The following FBXO34 variants were observed in gnomAD, a reference collection of about 807,000 sequenced individuals.
FBXO34 encodes the protein F-box only protein 34.
A neutral mutation model predicts 24.5 loss-of-function variants in FBXO34; 12 were observed. The ratio of observed to expected loss-of-function variants is 0.49; its 90% CI spans 0.31 to 0.79. The LOEUF (loss-of-function observed/expected upper bound fraction) is 0.79. Among genes scored for constraint, FBXO34 ranks in the 30% least tolerant of loss-of-function variants. The pLI is 0.04. For missense variants in FBXO34, 823 were observed against 857.7 expected (o/e 0.96, Z 0.51); for synonymous variants, 320 against 311.9 (o/e 1.03, Z -0.27).
chr14:55,341,488 G>GC (rs1264256909), intron 1 of FBXO34, among the ~76,000 whole-genome samples: 1 of 152,206 alleles, frequency 6.6e-6, no homozygotes, highest in African/African-American at 2.4e-5. Flanking sequence ...GTAGTGGTTT[G>GC]CTATGCAAAG....
At chr14:55,432,409 T>A in the FBXO34 span, among the ~76,000 whole-genome samples, 1 of 138,094 alleles carries the variant, frequency 7.2e-6, no homozygotes, top group African/African-American at 2.8e-5. Flanking sequence ...TGAGACCGTG[T>A]CTCAGAAAAA....
the FBXO34 span, among the ~76,000 whole-genome samples, chr14:55,404,615 A>G: frequency 6.6e-6 from 1 of 152,188 alleles, no homozygotes; most frequent in Non-Finnish European, 1.5e-5. Flanking sequence ...AGAGGGAGAG[A>G]ACCTGGGCAT....
chr14:55,419,240 G>C, the FBXO34 span, among the ~76,000 whole-genome samples: 1 of 152,186 alleles, frequency 6.6e-6, no homozygotes, highest in Non-Finnish European at 1.5e-5. Context: ...GCTTGATATC[G>C]TTAAGTTTAC....
chr14:55,281,991 C>CT (rs372305828), intron 1 of FBXO34, among the ~76,000 whole-genome samples: 6,504 of 64,912 alleles, frequency 0.1, 835 homozygotes, highest in African/African-American at 0.19. Context: ...TTAAATTTAG[C>CT]TTTTTTTTTT....
intron 1 of FBXO34, among the ~76,000 whole-genome samples, chr14:55,312,701 C>G (rs1433240933): frequency 6.6e-6 from 1 of 152,254 alleles, no homozygotes; most frequent in Non-Finnish European, 1.5e-5. Flanking sequence ...GGGCTTGCAC[C>G]CTCTGAAGTA....
chr14:55,425,171 T>G, the FBXO34 span, among the ~76,000 whole-genome samples: 1 of 152,206 alleles, frequency 6.6e-6, no homozygotes, highest in African/African-American at 2.4e-5. Flanking sequence ...GAAGTGAGTC[T>G]TGCCCATCTC....
chr14:55,283,461 TTTTC>T (rs1002371473), intron 1 of FBXO34, among the ~76,000 whole-genome samples: 14 of 151,656 alleles, frequency 9.2e-5, no homozygotes, highest in Non-Finnish European at 1.9e-4. Flanking sequence ...TTTATTCTTT[TTTTC>T]TTTCTTTTTT....
At chr14:55,323,207 A>AT (rs1883212400) in intron 1 of FBXO34, among the ~76,000 whole-genome samples, 1 of 49,882 alleles carries the variant, frequency 2.0e-5, no homozygotes. Context: ...AAAAAAAAAA[A>AT]AAAAAAAAAA....
chr14:55,435,840 A>C, the FBXO34 span: 6 of 1,544,052 alleles, frequency 3.9e-6, no homozygotes, highest in Non-Finnish European at 5.2e-6. Context: ...ATACTGAGAA[A>C]TGTTACCTTT....
chr14:55,293,811 T>C (rs550666506), intron 1 of FBXO34, among the ~76,000 whole-genome samples: 2 of 150,100 alleles, frequency 1.3e-5, no homozygotes, highest in Admixed American at 1.3e-4. Context: ...ATTTGTTGAA[T>C]GAATGAATTT....
chr14:55,425,061 C>A, the FBXO34 span, among the ~76,000 whole-genome samples: 3 of 152,328 alleles, frequency 2.0e-5, no homozygotes, highest in Non-Finnish European at 4.4e-5. Context: ...AAGGGTGAAT[C>A]CAGACTGCAT....
chr14:55,321,883 C>T (rs369022751), intron 1 of FBXO34, among the ~76,000 whole-genome samples: 4 of 152,212 alleles, frequency 2.6e-5, no homozygotes, highest in African/African-American at 9.6e-5. Flanking sequence ...ACAGTTTTGC[C>T]TTTCAGATGC....
At chr14:55,412,032 G>A in the FBXO34 span, among the ~76,000 whole-genome samples, 5 of 152,186 alleles carry the variant, frequency 3.3e-5, no homozygotes, top group African/African-American at 1.2e-4. Flanking sequence ...TATATTAGAG[G>A]GGCTAGTCGG....
At chr14:55,436,958 T>C in the FBXO34 span, 2 of 1,614,210 alleles carry the variant, frequency 1.2e-6, no homozygotes, top group Non-Finnish European at 1.7e-6. Context: ...GCATTCAGTA[T>C]GTACATATCA....
intron 1 of FBXO34, among the ~76,000 whole-genome samples, chr14:55,314,988 T>C (rs1282430266): frequency 6.6e-6 from 1 of 152,232 alleles, no homozygotes; most frequent in Non-Finnish European, 1.5e-5. Context: ...GCTTCAGGTA[T>C]CTTTTGATTT....
At chr14:55,346,329 G>C (rs1594764375) in intron 1 of FBXO34, among the ~76,000 whole-genome samples, 4 of 152,332 alleles carry the variant, frequency 2.6e-5, no homozygotes, top group South Asian at 2.1e-4. Flanking sequence ...GACTAGGGCA[G>C]TTGTGCTAGG....
chr14:55,436,249 C>T, the FBXO34 span, among the ~76,000 whole-genome samples: 282 of 152,252 alleles, frequency 1.9e-3, no homozygotes, highest in Non-Finnish European at 3.2e-3. Flanking sequence ...ATCTTTATAT[C>T]CTTGGTGTTT....
chr14:55,358,905 C>G (rs529730353), intron 3 of FBXO34, among the ~76,000 whole-genome samples: 1 of 152,000 alleles, frequency 6.6e-6, no homozygotes, highest in South Asian at 2.1e-4. Flanking sequence ...AATAGAACCA[C>G]GGGGTGATTG....
chr14:55,411,801 C>T, the FBXO34 span: 36 of 1,597,908 alleles, frequency 2.3e-5, no homozygotes, highest in Non-Finnish European at 3.0e-5. Flanking sequence ...GCCCGGGCTC[C>T]CTTCCCACTG....
Sources: allele counts gnomAD v4.1 joint callset (sites outside exome capture counted in the v4.1 genomes callset), GRCh38; gene constraint gnomAD v4.1.1; transcripts MANE v1.5; gene names NCBI Gene and HGNC (gene_info 2026-07-23, HGNC 2026-07-21).